ABCA4: variants seen among roughly 807,000 people sequenced by gnomAD.
ABCA4 encodes ATP binding cassette subfamily A member 4.
Under a neutral mutation model 263.7 loss-of-function variants are expected in ABCA4, and 196 were observed. The ratio of observed to expected loss-of-function variants is 0.74; its 90% confidence interval spans 0.66 to 0.84. The LOEUF (loss-of-function observed/expected upper bound fraction) is 0.84, where lower values mean the gene tolerates loss of function less well. Ranked by LOEUF, ABCA4 falls within the 40% of genes least tolerant of loss-of-function variation. The pLI is 0.00. For missense variants in ABCA4, 2,792 were observed against 2,855.1 expected (o/e 0.98, Z 0.50); for synonymous variants, 1,133 against 1,094.2 (o/e 1.04, Z -0.70).
intron 14 of ABCA4, chr1:94,059,423 G>A (rs1031588057): frequency 6.6e-6 from 1 of 152,194 alleles, no homozygotes; most frequent in African/African-American, 2.4e-5. Context: ...GCATAACCAA[G>A]GCCACAGATC....
At chr1:94,049,404 T>C (rs1660774383) in intron 17 of ABCA4, among the ~76,000 whole-genome samples, 1 of 152,146 alleles carries the variant, frequency 6.6e-6, no homozygotes, top group Admixed American at 6.5e-5. Context: ...TGTAGGCGTA[T>C]CATGAGGTCA....
intron 11 of ABCA4, 103 bp downstream of exon 11, chr1:94,077,587 A>G: frequency 1.8e-6 from 2 of 1,125,074 alleles, no homozygotes; most frequent in Non-Finnish European, 2.6e-6. Flanking sequence ...CAGTGGGGAA[A>G]ATGAAAGCTT....
At chr1:94,120,167 C>T (rs554588789) in intron 1 of ABCA4, among the ~76,000 whole-genome samples, 4 of 152,316 alleles carry the variant, frequency 2.6e-5, no homozygotes, top group Admixed American at 6.5e-5. Context: ...CTCTGATCTC[C>T]GGCACCTTTT....
chr1:94,111,148 G>A (rs921714964), intron 3 of ABCA4, among the ~76,000 whole-genome samples: 23 of 152,358 alleles, frequency 1.5e-4, no homozygotes, highest in African/African-American at 4.6e-4. Context: ...CCAGAAGGCA[G>A]TGGACACATC....
chr1:94,020,891 C>T (rs368827509), intron 35 of ABCA4, among the ~76,000 whole-genome samples: 41 of 152,340 alleles, frequency 2.7e-4, no homozygotes, highest in Middle Eastern at 3.4e-3. Flanking sequence ...ATAATTACTC[C>T]GAGGGAGCTG....
chr1:94,044,108 T>C (rs1660603031), intron 20 of ABCA4, among the ~76,000 whole-genome samples: 1 of 126,568 alleles, frequency 7.9e-6, no homozygotes, highest in African/African-American at 2.9e-5. Context: ...CTTCCTTCCT[T>C]CCTTCCTTCC....
chr1:93,996,262 C>T, intron 48 of ABCA4, 67 bp from the exon 49 acceptor site: 1 of 1,188,170 alleles, frequency 8.4e-7, no homozygotes, highest in East Asian at 2.3e-5. Flanking sequence ...CACCCACCTA[C>T]CCACTTTGCT....
At chr1:94,116,138 T>C (rs1230375433) in intron 1 of ABCA4, among the ~76,000 whole-genome samples, 1 of 152,226 alleles carries the variant, frequency 6.6e-6, no homozygotes, top group African/African-American at 2.4e-5. Context: ...GCACGGTGAC[T>C]TAAAGGCCTC....
At chr1:94,013,971 TA>T (rs1659647846) in intron 38 of ABCA4, among the ~76,000 whole-genome samples, 1 of 152,208 alleles carries the variant, frequency 6.6e-6, no homozygotes, top group African/African-American at 2.4e-5. Flanking sequence ...TTTTTCATTG[TA>T]TGCCTTTTTG....
chr1:94,077,913 G>C, intron 10 of ABCA4, 26 bp from the exon 11 acceptor site: 1 of 1,595,030 alleles, frequency 6.3e-7, no homozygotes, highest in Non-Finnish European at 8.6e-7. Context: ...TACAGTCACT[G>C]CTCTGCTTAG....
In ABCA4 at chr1:94,048,911, T is replaced by C; in HGVS notation, c.2700A>G (p.Leu900=). ...EERALEKTEP[L]TEETEDPEHP... is the part of the protein sequence containing the mutation. ...GCTCTGGATCCTCCGTTTCCTCTGT[T>C]AGGGGCTCGGTCTTTTCCAGGGCTC... Residue 900 remains leucine, a synonymous_variant, in exon 18 of 50, where the codon CTA becomes CTG. Transcript: ENST00000370225. 6.2e-7 allele frequency: 1 copy of C among 1,614,164 alleles called. No individual in the cohort carries two copies. Among genetic ancestry groups the C allele is most frequent in the Non-Finnish European group, 8.5e-7 (1 of 1,180,026 alleles).
In ABCA4 at chr1:94,062,473, T is replaced by C. The variant is rs545337542; in HGVS notation, c.1937+104A>G. 21 of 1,429,684 alleles carry C rather than the reference T, an allele frequency of 1.5e-5. No homozygotes were observed. The Admixed American group carries it at 1.5e-4, about 10-fold the overall frequency. The allele number at this position is 1,429,684 out of a possible 1,614,324, so 88.6% of individuals were successfully genotyped here. Reference sequence around the variant, plus strand: ...AATTTGGCTCTGGTCCCTGGGGCTCTCTCTAAAGACATGGAAGCCTTGAGG... The same window carrying C: ...AATTTGGCTCTGGTCCCTGGGGCTCCCTCTAAAGACATGGAAGCCTTGAGG... On this transcript the variant is annotated intron_variant, in intron 13 of 49. Coordinates refer to ENST00000370225, the MANE Select transcript of ABCA4 (RefSeq NM_000350.3).
chr1:94,061,584 G>C (rs574002961), intron 13 of ABCA4: 2 of 152,588 alleles, frequency 1.3e-5, no homozygotes, highest in South Asian at 4.2e-4. Context: ...TGTTCGTAAA[G>C]CATGCACTTC....
In ABCA4 at chr1:94,001,906, T is replaced by G. The variant is rs1659195585; in HGVS notation, c.6234A>C (p.Lys2078Asn). ...CAATGAGTGCGATGGCTGTGGAGAG[T>G]TTCCGCTTGTTGCCCCCACTGTACG... is the stretch of plus-strand genomic sequence containing the variant. ...AGTYSGGNKR[K>N]LSTAIALIGC... Residue 2078 changes from lysine (K) to asparagine (N), a missense_variant, in exon 45 of 50, where the codon AAA becomes AAC. Transcript: ENST00000370225. The G allele has an allele frequency of 6.2e-7, 1 of 1,614,012 alleles. No individual in the cohort carries two copies. Among genetic ancestry groups the G allele is most frequent in the South Asian group, 1.1e-5 (1 of 91,064 alleles).
intron 36 of ABCA4, among the ~76,000 whole-genome samples, chr1:94,018,809 G>A (rs1322871597): frequency 1.3e-5 from 2 of 151,964 alleles, no homozygotes; most frequent in Admixed American, 1.3e-4. Flanking sequence ...ACGCTATCCT[G>A]ACCCCTCCCT....
chr1:94,022,878 C>T (rs999417527), intron 32 of ABCA4, among the ~76,000 whole-genome samples: 5 of 152,190 alleles, frequency 3.3e-5, no homozygotes, highest in African/African-American at 9.7e-5. Flanking sequence ...AGCCCCGCAC[C>T]TGTTCTGGAG....
intron 5 of ABCA4, among the ~76,000 whole-genome samples, 155 bp downstream of exon 5, chr1:94,102,860 T>G (rs990073277): frequency 6.6e-6 from 1 of 152,150 alleles, no homozygotes; most frequent in African/African-American, 2.4e-5. Context: ...TCTCAAGTGA[T>G]CCCCCGGTTT....
chr1:94,033,545 C>T (rs1057190397), intron 26 of ABCA4, among the ~76,000 whole-genome samples: 4 of 152,062 alleles, frequency 2.6e-5, no homozygotes, highest in African/African-American at 9.7e-5. Flanking sequence ...GTTGAAGCTA[C>T]AGTTTATAGT....
intron 4 of ABCA4, among the ~76,000 whole-genome samples, chr1:94,104,926 AC>A (rs1662385659): frequency 6.6e-6 from 1 of 151,304 alleles, no homozygotes; most frequent in East Asian, 1.9e-4. Context: ...GTACACTCTC[AC>A]TCCACCAACA....
Sources: allele counts gnomAD v4.1 joint callset (sites outside exome capture counted in the v4.1 genomes callset), GRCh38; gene constraint gnomAD v4.1.1; transcripts MANE v1.5; gene names NCBI Gene and HGNC (gene_info 2026-07-23, HGNC 2026-07-21).